TMED5: variants seen among roughly 807,000 people sequenced by gnomAD.
TMED5 encodes transmembrane p24 trafficking protein 5, also known as transmembrane emp24 domain-containing protein 5.
TMED5 carries 27 observed loss-of-function variants against 23.0 expected under a neutral mutation model. That is an observed-to-expected ratio of 1.17 (90% CI 0.86 to 1.62). The LOEUF is 1.62. Among genes scored for constraint, TMED5 ranks in the 40% most tolerant of loss-of-function variants. The pLI, the probability that TMED5 is intolerant of heterozygous loss-of-function variation, is 0.00. For missense variants in TMED5, 248 were observed against 273.7 expected, an observed-to-expected ratio of 0.91 and a Z score of 0.66; for synonymous variants, 97 against 100.8, an observed-to-expected ratio of 0.96 and a Z score of 0.23.
chr1:93,179,342 T>G (rs1182113729), intron 1 of TMED5, among the ~76,000 whole-genome samples: 1 of 137,554 alleles, frequency 7.3e-6, no homozygotes, highest in East Asian at 2.0e-4. Context: ...AACTCTAGCT[T>G]GAGCAACAAA....
At chr1:93,169,664 C>T (rs1164867700) in intron 1 of TMED5, among the ~76,000 whole-genome samples, 4 of 150,916 alleles carry the variant, frequency 2.7e-5, no homozygotes, top group African/African-American at 9.7e-5. Context: ...AACCTCTAGT[C>T]AGGCAAACCA....
At chr1:93,166,224 A>G (rs1648499722) in intron 1 of TMED5, among the ~76,000 whole-genome samples, 1 of 152,258 alleles carries the variant, frequency 6.6e-6, no homozygotes, top group Admixed American at 6.5e-5. Flanking sequence ...TTCAACAAAC[A>G]TGGGAGTGCA....
intron 1 of TMED5, among the ~76,000 whole-genome samples, chr1:93,165,861 C>CT (rs913380221): frequency 1.3e-5 from 2 of 152,048 alleles, no homozygotes; most frequent in African/African-American, 4.8e-5. Context: ...CATTTTTGTT[C>CT]TTTTTGTACC....
At chr1:93,161,196 A>G (rs1315900950) in intron 1 of TMED5, 10 of 152,184 alleles carry the variant, frequency 6.6e-5, no homozygotes, top group Admixed American at 2.6e-4. Flanking sequence ...CAACTCTAAA[A>G]GGTAGGTCCT....
intron 1 of TMED5, among the ~76,000 whole-genome samples, chr1:93,178,174 T>A (rs1228310690): frequency 2.6e-5 from 4 of 152,156 alleles, no homozygotes; most frequent in Non-Finnish European, 5.9e-5. Context: ...AAGGCTATGA[T>A]TCATGCTTAA....
At chr1:93,170,344 G>A (rs1057477213) in intron 1 of TMED5, among the ~76,000 whole-genome samples, 4 of 152,212 alleles carry the variant, frequency 2.6e-5, no homozygotes, top group African/African-American at 7.2e-5. Context: ...CGTGGGCTCC[G>A]CGGCCCCGCA....
At chr1:93,156,807 C>CAAAAAAA (rs10572798) in intron 2 of TMED5, among the ~76,000 whole-genome samples, 1 of 90,494 alleles carries the variant, frequency 1.1e-5, no homozygotes, top group Non-Finnish European at 2.3e-5. Flanking sequence ...GATCCTGTCT[C>CAAAAAAA]AAAAAAAAAA....
chr1:93,170,782 A>G (rs1648698218), intron 1 of TMED5, among the ~76,000 whole-genome samples: 1 of 152,222 alleles, frequency 6.6e-6, no homozygotes, highest in South Asian at 2.1e-4. Context: ...CAGGGTTTGT[A>G]AATACACCAA....
intron 1 of TMED5, among the ~76,000 whole-genome samples, chr1:93,176,794 C>G (rs554278552): frequency 6.6e-6 from 1 of 152,314 alleles, no homozygotes; most frequent in Admixed American, 6.5e-5. Flanking sequence ...GCCTCCCAAA[C>G]TGTTGGGATT....
intron 1 of TMED5, among the ~76,000 whole-genome samples, chr1:93,164,356 C>G (rs1371524358): frequency 6.6e-6 from 1 of 152,070 alleles, no homozygotes; most frequent in Non-Finnish European, 1.5e-5. Context: ...CCCATGAGGA[C>G]AGGTCATGAA....
Position 93,152,186 on chromosome 1 carries a change from T to C in TMED5, c.*2484A>G, listed in dbSNP as rs548405843. Reference sequence around the variant, plus strand: ...ATAACATTAATCATCCAAATGCATATCAGAGCAAACTCTAGGCCTTAGTGT... The same window carrying C: ...ATAACATTAATCATCCAAATGCATACCAGAGCAAACTCTAGGCCTTAGTGT... On this transcript the variant is annotated 3_prime_UTR_variant, in exon 4 of 4. Transcript: ENST00000370282. 8 of 152,718 alleles carry C rather than the reference T, an allele frequency of 5.2e-5. No homozygotes were observed. The East Asian group carries it at 1.2e-3, about 22-fold the overall frequency. 9.5% of individuals were successfully genotyped at this position (152,718 alleles called of 1,614,324 possible).
chr1:93,173,943 A>G lies in TMED5; in HGVS notation c.189+6111T>C, dbSNP rs564663477. ...GAGAATGACAACAGGCATTCAATAG[A>G]GTTACAAAGAGGTTTTTTTTTGTTT... is the stretch of plus-strand genomic sequence containing the variant. On this transcript the variant is annotated intron_variant, in intron 1 of 3. Transcript: ENST00000370282. 7.2e-5 allele frequency among the ~76,000 whole-genome samples: 11 copies of G among 152,098 alleles called. No homozygotes were observed. In the East Asian group the frequency reaches 1.9e-3, roughly 27 times the overall value.
Position 93,156,345 on chromosome 1 carries a change from A to C in TMED5, c.426T>G (p.Tyr142Ter). ...QAQEQEDWKKYITGTDILDMK... is the reference protein window; with the variant it reads ...QAQEQEDWKK The stretch of plus-strand genomic sequence containing the variant: ...TATCCAATATATCTGTGCCAGTAAT[A>C]TATTTCTTCCAATCTTCTTGTTCTT... Residue 142 changes from tyrosine (Y) to a stop codon, truncating the protein, a stop_gained, in exon 3 of 4, where the codon TAT becomes TAG. Coordinates refer to ENST00000370282, the MANE Select transcript of TMED5 (RefSeq NM_016040.5). LOFTEE classifies it high-confidence loss of function. The C allele has an allele frequency of 6.2e-7, 1 of 1,613,952 alleles. No homozygotes were observed. The highest frequency in any genetic ancestry group is 8.5e-7 in the Non-Finnish European group (1 of 1,179,896).
rs1648541048 is a variant in TMED5 at position 93,167,187 on chromosome 1, G to C, written c.190-6961C>G. Among the ~76,000 whole-genome samples the C allele has an allele frequency of 3.3e-5, 5 of 152,182 alleles. No individual in the cohort carries two copies. The South Asian group carries it at 1.0e-3, about 32-fold the overall frequency. ...ATCTCTGTAGTATAATTTGAAGTTA[G>C]GTCATGTGATTCCTCCAGTTTTGTT... On this transcript the variant is annotated intron_variant, in intron 1 of 3. Coordinates refer to ENST00000370282, the MANE Select transcript of TMED5 (RefSeq NM_016040.5).
At chr1:93,156,036 C>A in intron 3 of TMED5, 1 of 1,437,820 alleles carries the variant, frequency 7.0e-7, no homozygotes. Context: ...ACAAACTTAC[C>A]AAGATGCAGT....
intron 2 of TMED5, among the ~76,000 whole-genome samples, chr1:93,157,482 C>A (rs372434749): frequency 2.6e-5 from 4 of 152,214 alleles, no homozygotes; most frequent in African/African-American, 9.6e-5. Flanking sequence ...ACAATCACAG[C>A]GCTTTGGGAG....
Position 93,150,584 on chromosome 1 carries a change from C to T in TMED5, c.*4086G>A, listed in dbSNP as rs1198300570. The stretch of plus-strand genomic sequence containing the variant: ...TCTCACCAGCAACGTATGAGTGGTC[C>T]ACTTATCCAATTTCTCTTGCATCCT... On this transcript the variant is annotated 3_prime_UTR_variant, in exon 4 of 4. Coordinates refer to ENST00000370282, the MANE Select transcript of TMED5 (RefSeq NM_016040.5). The T allele has an allele frequency of 4.6e-5, 7 of 152,162 alleles. No homozygotes were observed. 9.4% of individuals were successfully genotyped at this position (152,162 alleles called of 1,614,324 possible).
chr1:93,158,577 G>GTT (rs35305642), intron 2 of TMED5, among the ~76,000 whole-genome samples: 7,360 of 143,490 alleles, frequency 0.051, 654 homozygotes, highest in African/African-American at 0.17. Flanking sequence ...TACATTTTTA[G>GTT]TTTTGTTTTT....
chr1:93,177,863 T>G (rs1331995141), intron 1 of TMED5, among the ~76,000 whole-genome samples: 1 of 152,126 alleles, frequency 6.6e-6, no homozygotes, highest in Non-Finnish European at 1.5e-5. Flanking sequence ...GAAGATCACA[T>G]AAGTTTTAAG....
Sources: gnomAD v4.1 joint callset for allele counts (sites outside exome capture counted in the v4.1 genomes callset) on GRCh38, gnomAD v4.1.1 for gene constraint, MANE v1.5 for transcripts, NCBI Gene and HGNC (gene_info 2026-07-23, HGNC 2026-07-21) for gene names.